The following CAPZB variants were observed in gnomAD, a reference collection of about 807,000 sequenced individuals.
CAPZB encodes the protein F-actin-capping protein subunit beta.
In CAPZB, 2 loss-of-function variants were observed where a neutral mutation model predicts 38.1. That is an observed-to-expected ratio of 0.05 (90% CI 0.02 to 0.17). The LOEUF (loss-of-function observed/expected upper bound fraction) is 0.17, where lower values mean the gene tolerates loss of function less well. Among genes scored for constraint, CAPZB ranks in the 10% least tolerant of loss-of-function variants. CAPZB has a pLI of 1.00. For missense variants in CAPZB, 161 were observed against 334.2 expected (o/e 0.48, Z 4.04); for synonymous variants, 107 against 127.4 (o/e 0.84, Z 1.08).
intron 1 of CAPZB, among the ~76,000 whole-genome samples, chr1:19,455,008 C>T (rs868240600): frequency 2.0e-5 from 3 of 152,232 alleles, no homozygotes; most frequent in Admixed American, 6.5e-5. Flanking sequence ...ACACCGGTCC[C>T]GCAAAGAGGA....
At chr1:19,468,555 G>GGCAGGGTGGGGCGGA (rs1368248172) in intron 1 of CAPZB, among the ~76,000 whole-genome samples, 9 of 152,230 alleles carry the variant, frequency 5.9e-5, no homozygotes, top group African/African-American at 1.7e-4. Flanking sequence ...TCAGCTGTGC[G>GGCAGGGTGGGGCGGA]GCAGGGTGGG....
At chr1:19,366,809 C>T (rs2094091045) in intron 4 of CAPZB, among the ~76,000 whole-genome samples, 1 of 152,142 alleles carries the variant, frequency 6.6e-6, no homozygotes, top group South Asian at 2.1e-4. Flanking sequence ...GGTTCTGGCC[C>T]TAAAACAATG....
At chr1:19,472,548 G>A (rs191025355) in intron 1 of CAPZB, among the ~76,000 whole-genome samples, 1 of 152,162 alleles carries the variant, frequency 6.6e-6, no homozygotes, top group East Asian at 1.9e-4. Flanking sequence ...GCCTGGATGT[G>A]TGCAGAGAAG....
At chr1:19,431,140 A>G (rs1359258582) in intron 1 of CAPZB, among the ~76,000 whole-genome samples, 1 of 152,180 alleles carries the variant, frequency 6.6e-6, no homozygotes, top group Non-Finnish European at 1.5e-5. Flanking sequence ...CAGAAAACAA[A>G]TCTCTTTAGT....
chr1:19,478,798 G>A (rs955640657), intron 1 of CAPZB, among the ~76,000 whole-genome samples: 1 of 152,200 alleles, frequency 6.6e-6, no homozygotes, highest in African/African-American at 2.4e-5. Flanking sequence ...ATCACTAAAG[G>A]GAGCATAGCG....
chr1:19,466,172 A>C (rs1012668737), intron 1 of CAPZB, among the ~76,000 whole-genome samples: 2 of 152,250 alleles, frequency 1.3e-5, no homozygotes, highest in Admixed American at 1.3e-4. Context: ...TCAGACTCAG[A>C]GGTGAATCTG....
chr1:19,430,368 C>T (rs1007957891), intron 1 of CAPZB, among the ~76,000 whole-genome samples: 1 of 152,208 alleles, frequency 6.6e-6, no homozygotes, highest in Non-Finnish European at 1.5e-5. Context: ...ACTCAGGAGT[C>T]GGAGCTATAC....
chr1:19,423,475 C>T (rs916710594), intron 1 of CAPZB, among the ~76,000 whole-genome samples: 13 of 148,104 alleles, frequency 8.8e-5, no homozygotes, highest in African/African-American at 3.0e-4. Flanking sequence ...AGGATGCTGT[C>T]ACTTTTATAT....
chr1:19,423,001 G>A (rs2094407602), intron 1 of CAPZB, among the ~76,000 whole-genome samples: 1 of 151,884 alleles, frequency 6.6e-6, no homozygotes, highest in Non-Finnish European at 1.5e-5. Context: ...CTTCTTCGGT[G>A]CCTGTTCACA....
At position 19,356,514 on chromosome 1, in the gene CAPZB, G is replaced by A; in HGVS notation, c.588+121C>T. 1.3e-6 allele frequency: 1 copy of A among 765,732 alleles called. No homozygotes were observed. The highest frequency in any genetic ancestry group is 2.4e-6 in the Non-Finnish European group (1 of 420,738). 47.4% of individuals were successfully genotyped at this position (765,732 alleles called of 1,614,324 possible). On this transcript the variant is annotated intron_variant, in intron 6 of 8. Coordinates refer to ENST00000264202, the MANE Select transcript of CAPZB (RefSeq NM_004930.5). This position sits in a 1 kb window ranked among gnomAD's most constrained non-coding sequence, Gnocchi z 4.3. ...AATGCAAAGCCCTACTTAGATGGTG[G>A]ATTTATAGCTGGCTGAACATGCTTA...
intron 4 of CAPZB, among the ~76,000 whole-genome samples, chr1:19,372,334 C>T (rs1258425000): frequency 2.0e-5 from 3 of 152,194 alleles, no homozygotes; most frequent in Non-Finnish European, 2.9e-5. Context: ...GAGCATTGGG[C>T]GAGATGTCTG....
At chr1:19,394,546 C>T (rs1003301234) in intron 2 of CAPZB, among the ~76,000 whole-genome samples, 1 of 152,208 alleles carries the variant, frequency 6.6e-6, no homozygotes, top group Admixed American at 6.5e-5. Flanking sequence ...CATAGTGAAA[C>T]GCTGTTTCTA....
intron 2 of CAPZB, among the ~76,000 whole-genome samples, chr1:19,401,287 T>C (rs1447911401): frequency 6.6e-6 from 1 of 151,296 alleles, no homozygotes; most frequent in Admixed American, 6.6e-5. Flanking sequence ...TTTGGAAAGA[T>C]GGAATTTTAA....
At chr1:19,470,465 C>T (rs778248452) in intron 1 of CAPZB, among the ~76,000 whole-genome samples, 46 of 152,152 alleles carry the variant, frequency 3.0e-4, no homozygotes, top group Non-Finnish European at 5.1e-4. Flanking sequence ...TCACAATGTC[C>T]TATTTGGAAA....
chr1:19,339,308 T>C lies in CAPZB; in HGVS notation c.*222A>G. 1.7e-6 allele frequency: 1 copy of C among 581,624 alleles called. No homozygotes were observed. Among genetic ancestry groups the C allele is most frequent in the South Asian group, 2.0e-5 (1 of 49,086 alleles). The allele number at this position is 581,624 out of a possible 1,614,324, so 36.0% of individuals were successfully genotyped here. On this transcript the variant is annotated 3_prime_UTR_variant, in exon 9 of 9. Transcript: ENST00000264202. ...AAACCACACGGTCTCTATGGAAATG[T>C]GGAGAGAACTGAGAGCGAGGTGTGG...
chr1:19,469,258 G>A (rs1337001176), intron 1 of CAPZB, among the ~76,000 whole-genome samples: 1 of 152,120 alleles, frequency 6.6e-6, no homozygotes, highest in Admixed American at 6.5e-5. Flanking sequence ...GAGGATTGTG[G>A]GTGCTCTACA....
intron 2 of CAPZB, among the ~76,000 whole-genome samples, chr1:19,407,802 A>G (rs2094339445): frequency 6.6e-6 from 1 of 152,182 alleles, no homozygotes; most frequent in Non-Finnish European, 1.5e-5. Flanking sequence ...CTCCTCATTC[A>G]GGGAGCAGAA....
intron 4 of CAPZB, among the ~76,000 whole-genome samples, chr1:19,369,759 A>T (rs1184005954): frequency 1.3e-5 from 2 of 152,190 alleles, no homozygotes; most frequent in Admixed American, 6.5e-5. Flanking sequence ...CAGGGAGTGA[A>T]GGGGGATGTC....
chr1:19,350,027 T>C (rs1401333370), intron 6 of CAPZB, among the ~76,000 whole-genome samples: 1 of 152,170 alleles, frequency 6.6e-6, no homozygotes, highest in African/African-American at 2.4e-5. Context: ...CACGAGGTGG[T>C]TCCAATGGCG....
Sources: gnomAD v4.1 joint callset for allele counts (sites outside exome capture counted in the v4.1 genomes callset) on GRCh38, gnomAD v4.1.1 for gene constraint, Gnocchi (gnomAD v3.1) non-coding constraint, MANE v1.5 for transcripts, NCBI Gene and HGNC (gene_info 2026-07-23, HGNC 2026-07-21) for gene names.